Variants in SAMD5 observed in about 807,000 individuals in gnomAD.
SAMD5 encodes sterile alpha motif domain containing 5, also known as sterile alpha motif domain-containing protein 5.
SAMD5 carries 13 observed loss-of-function variants against 11.3 expected under a neutral mutation model. That is an observed-to-expected ratio of 1.15 (90% confidence interval 0.75 to 1.83). The LOEUF is 1.83. Ranked by LOEUF, SAMD5 falls within the 40% of genes most tolerant of loss-of-function variation. The pLI, the probability that SAMD5 is intolerant of heterozygous loss-of-function variation, is 0.00. For synonymous variants in SAMD5, 129 were observed against 111.3 expected, an observed-to-expected ratio of 1.16 and a Z score of -1.00; for missense variants, 255 against 239.1, an observed-to-expected ratio of 1.07 and a Z score of -0.44.
At chr6:147,700,715 A>C (rs990179578) in intron 1 of SAMD5, among the ~76,000 whole-genome samples, 34 of 152,258 alleles carry the variant, frequency 2.2e-4, no homozygotes, top group African/African-American at 8.2e-4. Context: ...TATCAAAAGG[A>C]CTTGGCTTTA....
intron 1 of SAMD5, chr6:147,729,693 A>G (rs1791680952): frequency 2.2e-6 from 1 of 447,316 alleles, no homozygotes; most frequent in Non-Finnish European, 4.5e-6. Context: ...GTGAGTAAAG[A>G]TCTAAAGGAA....
chr6:147,729,348 A>G (rs1791676094), intron 1 of SAMD5, among the ~76,000 whole-genome samples: 1 of 152,100 alleles, frequency 6.6e-6, no homozygotes, highest in South Asian at 2.1e-4. Flanking sequence ...TCCCTTAACT[A>G]TTTTCACTAC....
rs546094453 is a variant in SAMD5, at chr6:147,734,355, A to G, written c.163-2962A>G. ...TTGACTCAGGGATCTAAGACAAAGC[A>G]GATAGTGTGTTTTTGCCTCTTTCTG... On this transcript the variant is annotated intron_variant, in intron 1 of 1. Coordinates refer to the SAMD5 transcript ENST00000566741. 2.0e-5 allele frequency among the ~76,000 whole-genome samples: 3 copies of G among 152,298 alleles called. No homozygotes were observed. The East Asian group carries it at 5.8e-4, about 29-fold the overall frequency.
chr6:147,548,374 C>A (rs944115282), intron 1 of SAMD5, among the ~76,000 whole-genome samples: 1 of 152,146 alleles, frequency 6.6e-6, no homozygotes, highest in Non-Finnish European at 1.5e-5. Flanking sequence ...CTTTCTAGAA[C>A]GTGGCAGAAT....
At chr6:147,918,324 A>G in the SAMD5 span, among the ~76,000 whole-genome samples, 5 of 152,100 alleles carry the variant, frequency 3.3e-5, no homozygotes, top group Non-Finnish European at 5.9e-5. Context: ...TCTTCGAAGC[A>G]GTTGTGAGTG....
chr6:147,913,429 C>T, the SAMD5 span, among the ~76,000 whole-genome samples: 1 of 152,166 alleles, frequency 6.6e-6, no homozygotes, highest in Non-Finnish European at 1.5e-5. Context: ...GGGGCAGTGG[C>T]TCACACCTGT....
chr6:147,577,223 G>A (rs937237997), intron 1 of SAMD5, among the ~76,000 whole-genome samples: 6 of 152,114 alleles, frequency 3.9e-5, no homozygotes, highest in East Asian at 3.9e-4. Context: ...ATCAATAACC[G>A]TCTTGCTGAA....
chr6:147,509,527 T>C (rs1788055237), intron 1 of SAMD5, 140 bp downstream of exon 1: 1 of 648,874 alleles, frequency 1.5e-6, no homozygotes, highest in Non-Finnish European at 2.4e-6. Context: ...CCCTTTTCTA[T>C]GTTCTTTCTG....
chr6:147,540,520 A>G (rs1436209142), intron 1 of SAMD5, among the ~76,000 whole-genome samples: 3 of 152,182 alleles, frequency 2.0e-5, no homozygotes, highest in East Asian at 3.9e-4. Flanking sequence ...AATTTCATAC[A>G]GTATTTATTG....
chr6:147,679,273 C>A (rs942200805), intron 1 of SAMD5, among the ~76,000 whole-genome samples: 2 of 152,066 alleles, frequency 1.3e-5, no homozygotes, highest in African/African-American at 2.4e-5. Context: ...ATTCAGACTG[C>A]AGAGTATGAG....
chr6:147,927,048 G>A, the SAMD5 span, among the ~76,000 whole-genome samples: 1 of 152,192 alleles, frequency 6.6e-6, no homozygotes. Flanking sequence ...TCAGTACCAA[G>A]CTGTTTTGGT....
intron 1 of SAMD5, among the ~76,000 whole-genome samples, chr6:147,632,944 A>T (rs1426563862): frequency 2.6e-5 from 4 of 151,846 alleles, no homozygotes; most frequent in Non-Finnish European, 5.9e-5. Flanking sequence ...CACCTTCTTA[A>T]CCTCCTTCCT....
chr6:147,789,384 A>G, the SAMD5 span, among the ~76,000 whole-genome samples: 1 of 151,842 alleles, frequency 6.6e-6, no homozygotes, highest in Non-Finnish European at 1.5e-5. Context: ...TTATAACAGC[A>G]CTTCCTATTC....
intron 1 of SAMD5, among the ~76,000 whole-genome samples, chr6:147,553,965 T>C (rs1788813001): frequency 6.6e-6 from 1 of 152,188 alleles, no homozygotes; most frequent in African/African-American, 2.4e-5. Flanking sequence ...ACATGTGTGT[T>C]AGTCCATTCT....
chr6:147,937,841 C>A, the SAMD5 span, among the ~76,000 whole-genome samples: 1 of 152,084 alleles, frequency 6.6e-6, no homozygotes, highest in Non-Finnish European at 1.5e-5. Context: ...TAAGACTTAT[C>A]TCAGGTGCTT....
At chr6:147,892,844 TA>T in the SAMD5 span, among the ~76,000 whole-genome samples, 614 of 152,096 alleles carry the variant, frequency 4.0e-3, 3 homozygotes, top group African/African-American at 0.014. Context: ...TCTCTTCATT[TA>T]AAAAAAATAA....
At chr6:147,930,280 AG>A in the SAMD5 span, among the ~76,000 whole-genome samples, 1 of 152,128 alleles carries the variant, frequency 6.6e-6, no homozygotes, top group African/African-American at 2.4e-5. Flanking sequence ...CTAGTCTCTA[AG>A]AAGTTCCAAA....
At chr6:147,923,194 G>A in the SAMD5 span, among the ~76,000 whole-genome samples, 10 of 152,186 alleles carry the variant, frequency 6.6e-5, no homozygotes, top group Non-Finnish European at 1.3e-4. Context: ...AAACTGGATC[G>A]AATAGGGAGC....
At chr6:147,902,146 A>T in the SAMD5 span, among the ~76,000 whole-genome samples, 1 of 152,170 alleles carries the variant, frequency 6.6e-6, no homozygotes, top group African/African-American at 2.4e-5. Flanking sequence ...GGGGGAAAAA[A>T]AAGCAATCAT....
Sources: allele counts gnomAD v4.1 joint callset (sites outside exome capture counted in the v4.1 genomes callset), GRCh38; gene constraint gnomAD v4.1.1; transcripts MANE v1.5; gene names NCBI Gene and HGNC (gene_info 2026-07-23, HGNC 2026-07-21).